Variants in ZFPM2 observed in about 807,000 individuals in gnomAD.
ZFPM2 encodes the protein zinc finger protein ZFPM2.
A neutral mutation model predicts 98.6 loss-of-function variants in ZFPM2; 20 were observed. That is an observed-to-expected ratio of 0.20 (90% CI 0.14 to 0.29). The LOEUF is 0.29. Ranked by LOEUF, ZFPM2 falls within the 10% of genes least tolerant of loss-of-function variation. ZFPM2 has a pLI of 1.00. For synonymous variants in ZFPM2, 518 were observed against 502.7 expected, an observed-to-expected ratio of 1.03 and a Z score of -0.41; for missense variants, 1,310 against 1,388.6, an observed-to-expected ratio of 0.94 and a Z score of 0.90.
chr8:105,357,021 C>T lies in ZFPM2; in HGVS notation c.40+38040C>T, dbSNP rs144063243. The stretch of plus-strand genomic sequence containing the variant: ...TTGTCTACCCTGTTTTAGGACTTCC[C>T]ATAATTTGCAATACTTTGCTTTTTG... On this transcript the variant is annotated intron_variant, in intron 1 of 7. Coordinates refer to ENST00000407775, the MANE Select transcript of ZFPM2 (RefSeq NM_012082.4). 3.3e-5 allele frequency among the ~76,000 whole-genome samples: 5 copies of T among 152,256 alleles called. No homozygotes were observed. In the East Asian group the frequency reaches 9.7e-4, roughly 29 times the overall value.
chr8:105,767,100 A>G (rs2958711), intron 5 of ZFPM2, among the ~76,000 whole-genome samples: 78,673 of 151,276 alleles, frequency 0.52, 23,941 homozygotes, highest in African/African-American at 0.86. Flanking sequence ...TGATCACAAT[A>G]AATATTGTGG....
intron 1 of ZFPM2, among the ~76,000 whole-genome samples, chr8:105,362,758 G>A (rs1458682366): frequency 6.6e-6 from 1 of 152,046 alleles, no homozygotes. Flanking sequence ...TTGTAATATT[G>A]GCAGTGTTGT....
At chr8:105,374,406 A>AT (rs200209803) in intron 1 of ZFPM2, among the ~76,000 whole-genome samples, 196 of 146,904 alleles carry the variant, frequency 1.3e-3, no homozygotes, top group South Asian at 3.2e-3. Context: ...TAAACTAAGA[A>AT]TTTTTTTTTT....
chr8:105,573,562 G>A (rs1290944607), intron 4 of ZFPM2, among the ~76,000 whole-genome samples: 2 of 152,186 alleles, frequency 1.3e-5, no homozygotes, highest in Non-Finnish European at 2.9e-5. Context: ...TTGTGAAAAT[G>A]AGGTATATTT....
At chr8:105,507,383 A>G (rs192300181) in intron 3 of ZFPM2, among the ~76,000 whole-genome samples, 14 of 152,286 alleles carry the variant, frequency 9.2e-5, no homozygotes, top group Admixed American at 5.9e-4. Context: ...TAGTTAGGCA[A>G]TCTTACATAT....
At chr8:105,647,328 A>G (rs1190580064) in intron 5 of ZFPM2, among the ~76,000 whole-genome samples, 1 of 151,908 alleles carries the variant, frequency 6.6e-6, no homozygotes. Context: ...TCAATTCACC[A>G]CTAAAGTGCA....
chr8:105,547,542 CAAAAAAA>C (rs148322534), intron 3 of ZFPM2, among the ~76,000 whole-genome samples: 47 of 47,188 alleles, frequency 1.0e-3, no homozygotes, highest in Non-Finnish European at 1.3e-3. Flanking sequence ...AACTCCATCT[CAAAAAAA>C]AAAAAAAAAA....
intron 4 of ZFPM2, among the ~76,000 whole-genome samples, chr8:105,625,969 TGG>T (rs1816645443): frequency 8.0e-6 from 1 of 125,548 alleles, no homozygotes; most frequent in Non-Finnish European, 1.7e-5. Flanking sequence ...CTCTATTTTC[TGG>T]AAAAAAAAAA....
intron 1 of ZFPM2, among the ~76,000 whole-genome samples, chr8:105,337,764 A>ATTTTTTTTTTTTTTTTTTTT (rs1812355916): frequency 6.7e-6 from 1 of 150,374 alleles, no homozygotes; most frequent in Non-Finnish European, 1.5e-5. Context: ...TTTTTTTTTA[A>ATTTTTTTTTTTTTTTTTTTT]TTTAGTGAAA....
At chr8:105,747,977 G>C (rs759011938) in intron 5 of ZFPM2, among the ~76,000 whole-genome samples, 1 of 151,954 alleles carries the variant, frequency 6.6e-6, no homozygotes, top group Non-Finnish European at 1.5e-5. Flanking sequence ...TGTAGCGTTT[G>C]GTATATAGGC....
intron 3 of ZFPM2, among the ~76,000 whole-genome samples, chr8:105,491,262 A>G (rs1057294251): frequency 2.6e-5 from 4 of 152,136 alleles, no homozygotes; most frequent in South Asian, 2.1e-4. Flanking sequence ...AAAGAACTGC[A>G]TCCTTTCATA....
chr8:105,546,122 T>A (rs1814691338), intron 3 of ZFPM2, among the ~76,000 whole-genome samples: 1 of 152,192 alleles, frequency 6.6e-6, no homozygotes, highest in African/African-American at 2.4e-5. Flanking sequence ...TTCAGTATGA[T>A]CTTTTCTGCC....
chr8:105,640,128 T>C (rs2130849576), intron 5 of ZFPM2, among the ~76,000 whole-genome samples: 1 of 152,092 alleles, frequency 6.6e-6, no homozygotes, highest in Admixed American at 6.6e-5. Flanking sequence ...GATGAATAAA[T>C]TTAGGTTTCG....
intron 3 of ZFPM2, among the ~76,000 whole-genome samples, chr8:105,520,695 G>T (rs1393498547): frequency 6.6e-6 from 1 of 152,062 alleles, no homozygotes; most frequent in Non-Finnish European, 1.5e-5. Flanking sequence ...CTGGGGTGGA[G>T]ATTATTTCTG....
intron 1 of ZFPM2, among the ~76,000 whole-genome samples, chr8:105,407,770 C>T (rs994142818): frequency 1.3e-5 from 2 of 151,914 alleles, no homozygotes; most frequent in African/African-American, 4.8e-5. Flanking sequence ...TTTTCCCCTT[C>T]AACAGATTTG....
At chr8:105,446,394 G>A (rs1812370777) in intron 3 of ZFPM2, among the ~76,000 whole-genome samples, 1 of 152,060 alleles carries the variant, frequency 6.6e-6, no homozygotes. Context: ...TATGTCTGGG[G>A]CCCATAGCTT....
chr8:105,343,315 C>G (rs1411427043), intron 1 of ZFPM2, among the ~76,000 whole-genome samples: 2 of 152,080 alleles, frequency 1.3e-5, no homozygotes, highest in Admixed American at 6.6e-5. Context: ...GTACTTTGTA[C>G]TGGCCAGTCA....
chr8:105,559,456 A>G (rs1815078608), intron 3 of ZFPM2, among the ~76,000 whole-genome samples: 1 of 152,084 alleles, frequency 6.6e-6, no homozygotes, highest in Non-Finnish European at 1.5e-5. Flanking sequence ...TTTTCAGTGT[A>G]TTTTTCAAGT....
At chr8:105,502,569 C>A (rs1397991072) in intron 3 of ZFPM2, among the ~76,000 whole-genome samples, 5 of 152,140 alleles carry the variant, frequency 3.3e-5, no homozygotes, top group African/African-American at 1.2e-4. Flanking sequence ...GATACTAGAG[C>A]AAATCGTCAA....
Sources: allele counts gnomAD v4.1 joint callset (sites outside exome capture counted in the v4.1 genomes callset), GRCh38; gene constraint gnomAD v4.1.1; transcripts MANE v1.5; gene names NCBI Gene and HGNC (gene_info 2026-07-23, HGNC 2026-07-21).